MYOM1: variants seen among roughly 807,000 people sequenced by gnomAD.
The protein encoded by MYOM1 is myomesin-1.
Under a neutral mutation model 205.3 loss-of-function variants are expected in MYOM1, and 164 were observed. The observed-to-expected ratio is 0.80, with a 90% CI of 0.70 to 0.91. The LOEUF (loss-of-function observed/expected upper bound fraction) is 0.91. Ranked by LOEUF, MYOM1 falls within the 40% of genes least tolerant of loss-of-function variation. The pLI is 0.00. For missense variants in MYOM1, 2,011 were observed against 2,127.3 expected (o/e 0.95, Z 1.08); for synonymous variants, 772 against 789.4 (o/e 0.98, Z 0.37).
chr18:3,145,576 G>A (rs1368032382), intron 13 of MYOM1, among the ~76,000 whole-genome samples: 1 of 151,994 alleles, frequency 6.6e-6, no homozygotes, highest in South Asian at 2.1e-4. Context: ...AAAGTATTTT[G>A]CACAAAATAA....
At chr18:3,149,624 G>A (rs564098875) in intron 12 of MYOM1, among the ~76,000 whole-genome samples, 1 of 152,254 alleles carries the variant, frequency 6.6e-6, no homozygotes, top group South Asian at 2.1e-4. Flanking sequence ...GATGAAAGAG[G>A]AGAGGGGGTG....
Position 3,083,409 on chromosome 18 carries a change from TTTTTTC to T in MYOM1, c.4484+374_4484+379del, listed in dbSNP as rs1426872790. 3.1e-5 allele frequency among the ~76,000 whole-genome samples: 4 copies of T among 128,888 alleles called. No individual in the cohort carries two copies. In the East Asian group the frequency reaches 6.2e-4, roughly 20 times the overall value. The allele number at this position is 128,888 out of a possible 152,430, so 84.6% of individuals were successfully genotyped here. ...AATTTCTTTTTCTTTCTTTCTTTTC[TTTTTTC>T]TTTTTCTTTTTCTTTTTTTTTTTTT... On this transcript the variant is annotated intron_variant, in intron 33 of 37. Transcript: ENST00000356443.
intron 3 of MYOM1, among the ~76,000 whole-genome samples, chr18:3,192,051 C>T (rs748418153): frequency 1.3e-5 from 2 of 151,990 alleles, no homozygotes; most frequent in South Asian, 2.1e-4. Flanking sequence ...GAGATTGGCC[C>T]GGAAGAGAAA....
Position 3,075,460 on chromosome 18 carries a change from C to T in MYOM1, c.4702G>A (p.Glu1568Lys), listed in dbSNP as rs1479996583. 4 of 1,611,334 alleles carry T rather than the reference C, an allele frequency of 2.5e-6. No individual in the cohort carries two copies. In the South Asian group the frequency reaches 3.3e-5, roughly 13 times the overall value. Residue 1568 changes from glutamate to lysine, a missense_variant, in exon 36 of 38, where the codon GAG (glutamate) becomes AAG (lysine). Transcript: ENST00000356443. ...AAAAAAAAAGTTTACTTACTTTTCT[C>T]GGCAATGGCAGCTTGTCTGTGGTTG... is the stretch of plus-strand genomic sequence containing the variant. The part of the protein sequence containing the change: ...FQRLKQAAIA[E>K]KNRARVLGGL...
rs1423578429 is a variant in MYOM1 at position 3,083,979 on chromosome 18, T to C, written c.4378+10A>G. 2 of 1,588,614 alleles carry C rather than the reference T, an allele frequency of 1.3e-6. No individual in the cohort carries two copies. Among genetic ancestry groups the C allele is most frequent in the African/African-American group, 2.7e-5 (2 of 74,670 alleles). On this transcript the variant is annotated intron_variant, in intron 32 of 37. Coordinates refer to ENST00000356443, the MANE Select transcript of MYOM1 (RefSeq NM_003803.4). ...TAAAGCATTGTTGTGGTGCGAAATG[T>C]TTGACTCACCTATTTTTTTGCATAC...
chr18:3,141,851 A>G, intron 14 of MYOM1, 88 bp downstream of exon 14: 2 of 1,525,460 alleles, frequency 1.3e-6, no homozygotes, highest in Non-Finnish European at 1.8e-6. Flanking sequence ...CTCCTCCCTC[A>G]CTCCATTGTC....
At chr18:3,172,020 T>C (rs1484362892) in intron 8 of MYOM1, among the ~76,000 whole-genome samples, 3 of 152,208 alleles carry the variant, frequency 2.0e-5, no homozygotes, top group Non-Finnish European at 2.9e-5. Context: ...CTCATTGGCA[T>C]AGCGCAGATA....
chr18:3,169,446 A>T (rs546940329), intron 8 of MYOM1, among the ~76,000 whole-genome samples: 2 of 152,214 alleles, frequency 1.3e-5, no homozygotes, highest in African/African-American at 4.8e-5. Flanking sequence ...TAAGAAGCTC[A>T]AAGTACTCAA....
intron 21 of MYOM1, among the ~76,000 whole-genome samples, chr18:3,113,270 GTA>G (rs1309787973): frequency 1.2e-4 from 18 of 145,550 alleles, no homozygotes; most frequent in African/African-American, 4.2e-4. Flanking sequence ...ATATGTGTAT[GTA>G]TATATATGTG....
intron 26 of MYOM1, among the ~76,000 whole-genome samples, chr18:3,091,230 T>A (rs1328410386): frequency 6.6e-6 from 1 of 151,890 alleles, no homozygotes; most frequent in African/African-American, 2.4e-5. Context: ...CCAGGAGAAT[T>A]GCTTGAACCT....
At chr18:3,076,256 C>T (rs570103723) in intron 34 of MYOM1, among the ~76,000 whole-genome samples, 3 of 152,184 alleles carry the variant, frequency 2.0e-5, no homozygotes, top group South Asian at 2.1e-4. Context: ...TTAGTAGATA[C>T]GGGGTTTCAC....
intron 22 of MYOM1, among the ~76,000 whole-genome samples, chr18:3,104,394 T>G (rs1374297417): frequency 6.6e-6 from 1 of 152,258 alleles, no homozygotes; most frequent in Admixed American, 6.5e-5. Context: ...AATCATTCAT[T>G]GTTCTATCTG....
chr18:3,136,064 T>C (rs1036065008), intron 14 of MYOM1, among the ~76,000 whole-genome samples: 4 of 152,088 alleles, frequency 2.6e-5, no homozygotes, highest in Non-Finnish European at 4.4e-5. Context: ...TGGTAGTGAG[T>C]AAGTCTCATG....
At chr18:3,208,729 A>G (rs897655914) in intron 2 of MYOM1, among the ~76,000 whole-genome samples, 1 of 152,100 alleles carries the variant, frequency 6.6e-6, no homozygotes, top group Non-Finnish European at 1.5e-5. Context: ...TCTTATATAT[A>G]ATAATTAAAA....
intron 19 of MYOM1, among the ~76,000 whole-genome samples, chr18:3,126,481 T>C (rs1489212488): frequency 6.6e-6 from 1 of 152,198 alleles, no homozygotes; most frequent in Non-Finnish European, 1.5e-5. Context: ...GAATTTATTA[T>C]GCTTATGTGT....
At chr18:3,146,609 A>C (rs1182335389) in intron 13 of MYOM1, among the ~76,000 whole-genome samples, 1 of 152,088 alleles carries the variant, frequency 6.6e-6, no homozygotes, top group Non-Finnish European at 1.5e-5. Flanking sequence ...GAGTAGAAGA[A>C]ATTTTCCTCA....
intron 37 of MYOM1, 92 bp downstream of exon 37, chr18:3,071,742 T>A: frequency 7.9e-7 from 1 of 1,264,056 alleles, no homozygotes. Flanking sequence ...TGGTGGGCTG[T>A]TAAGTGTGCC....
chr18:3,236,664 A>G, the MYOM1 span: 4 of 152,284 alleles, frequency 2.6e-5, no homozygotes, highest in Admixed American at 2.0e-4. Flanking sequence ...AGACATCCTC[A>G]TGGAGCTGTC....
rs376908295 is a variant in MYOM1 at position 3,158,824 on chromosome 18, G to A, written c.1502-3736C>T. 1.0e-4 allele frequency among the ~76,000 whole-genome samples: 15 copies of A among 149,836 alleles called. No individual in the cohort carries two copies. In the East Asian group the frequency reaches 2.1e-3, roughly 21 times the overall value. On this transcript the variant is annotated intron_variant, in intron 10 of 37. Coordinates refer to ENST00000356443, the MANE Select transcript of MYOM1 (RefSeq NM_003803.4). ...AGACAGGGTCTCACTGTGTTGCCCA[G>A]GCTGGTCTTGAACTCCTGGGCTCAA...
Sources: gnomAD v4.1 joint callset for allele counts (sites outside exome capture counted in the v4.1 genomes callset) on GRCh38, gnomAD v4.1.1 for gene constraint, MANE v1.5 for transcripts, NCBI Gene and HGNC (gene_info 2026-07-23, HGNC 2026-07-21) for gene names.